Variants in MYO3A observed in about 807,000 individuals in gnomAD.
MYO3A encodes myosin-IIIa.
In MYO3A, 180 loss-of-function variants were observed where a neutral mutation model predicts 192.7. The ratio of observed to expected loss-of-function variants is 0.93; its 90% CI spans 0.83 to 1.06. The LOEUF (loss-of-function observed/expected upper bound fraction) is 1.06. MYO3A is among the 50% of genes least tolerant of loss of function. MYO3A has a pLI of 0.00. For synonymous variants in MYO3A, 628 were observed against 645.3 expected (o/e 0.97, Z 0.41); for missense variants, 1,896 against 1,905.0 (o/e 1.00, Z 0.09).
intron 6 of MYO3A, among the ~76,000 whole-genome samples, chr10:26,013,309 A>G (rs1425554221): frequency 6.7e-6 from 1 of 149,946 alleles, no homozygotes; most frequent in Non-Finnish European, 1.5e-5. Flanking sequence ...TCTGCACAGC[A>G]GAATAAATAA....
At chr10:25,956,495 A>ATTTTTTTTTTTTTTTTTTTTTTTTTTTT (rs562368305) in intron 4 of MYO3A, among the ~76,000 whole-genome samples, 1 of 128,846 alleles carries the variant, frequency 7.8e-6, no homozygotes. Context: ...GCCCAGCTAA[A>ATTTTTTTTTTTTTTTTTTTTTTTTTTTT]TTTTTTTTTT....
chr10:26,175,805 A>T (rs950302612), intron 30 of MYO3A, among the ~76,000 whole-genome samples: 1 of 152,214 alleles, frequency 6.6e-6, no homozygotes, highest in Non-Finnish European at 1.5e-5. Context: ...CAAGGCATCC[A>T]CTAGGAGCTG....
intron 15 of MYO3A, among the ~76,000 whole-genome samples, chr10:26,092,969 T>C (rs1392700466): frequency 6.6e-6 from 1 of 152,190 alleles, no homozygotes; most frequent in Non-Finnish European, 1.5e-5. Flanking sequence ...ATATTCCCAA[T>C]AGTATCTCCA....
chr10:26,051,416 C>T lies in MYO3A; in HGVS notation c.954-15559C>T, dbSNP rs181564491. ...TAAAGGAGACATCTAATTGGGTGAGCATATAGAAAAATACTAATCGTTGCT... is the reference window on the plus strand; with the variant it reads ...TAAAGGAGACATCTAATTGGGTGAGTATATAGAAAAATACTAATCGTTGCT... On this transcript the variant is annotated intron_variant, in intron 10 of 34. Coordinates refer to ENST00000642920, the MANE Select transcript of MYO3A (RefSeq NM_017433.5). Among the ~76,000 whole-genome samples the T allele has an allele frequency of 2.0e-4, 31 of 151,752 alleles. No homozygotes were observed. The East Asian group carries it at 5.8e-3, about 28-fold the overall frequency.
intron 4 of MYO3A, among the ~76,000 whole-genome samples, chr10:25,975,781 G>A (rs898881195): frequency 2.0e-5 from 3 of 152,116 alleles, no homozygotes; most frequent in Non-Finnish European, 2.9e-5. Context: ...AAATGCATTT[G>A]TTAAAACATT....
At chr10:25,991,737 G>A (rs1429418796) in intron 4 of MYO3A, among the ~76,000 whole-genome samples, 3 of 152,116 alleles carry the variant, frequency 2.0e-5, no homozygotes, top group Non-Finnish European at 4.4e-5. Flanking sequence ...CATATGACTA[G>A]CCAGTTTTCC....
chr10:26,157,179 T>C, intron 25 of MYO3A, 131 bp from the exon 26 acceptor site: 1 of 798,518 alleles, frequency 1.3e-6, no homozygotes, highest in Admixed American at 2.2e-5. Context: ...TTTCCTCCAT[T>C]TACTGTGACT....
intron 7 of MYO3A, among the ~76,000 whole-genome samples, chr10:26,020,792 T>C (rs972963321): frequency 2.6e-5 from 4 of 152,308 alleles, no homozygotes; most frequent in African/African-American, 4.8e-5. Flanking sequence ...CTCTATCTAA[T>C]ACAATCTTAT....
At chr10:25,961,793 C>T (rs1837945807) in intron 4 of MYO3A, among the ~76,000 whole-genome samples, 1 of 152,158 alleles carries the variant, frequency 6.6e-6, no homozygotes, top group Non-Finnish European at 1.5e-5. Context: ...GCTTTAGAGG[C>T]ACTTTCAGAA....
At chr10:26,034,753 AG>A (rs1842949791) in intron 10 of MYO3A, among the ~76,000 whole-genome samples, 1 of 151,980 alleles carries the variant, frequency 6.6e-6, no homozygotes, top group African/African-American at 2.4e-5. Flanking sequence ...CAGTGTTGAA[AG>A]GATGATGGAT....
intron 14 of MYO3A, among the ~76,000 whole-genome samples, chr10:26,079,875 T>G (rs969309609): frequency 2.0e-5 from 3 of 152,250 alleles, no homozygotes; most frequent in Admixed American, 6.5e-5. Context: ...GTAAGGTTTC[T>G]GCTGAGAAAT....
intron 31 of MYO3A, among the ~76,000 whole-genome samples, chr10:26,179,020 C>T (rs1842475171): frequency 1.3e-5 from 2 of 149,794 alleles, no homozygotes; most frequent in Admixed American, 1.3e-4. Flanking sequence ...CCAGGGTGGT[C>T]TCGATCCGAC....
intron 17 of MYO3A, among the ~76,000 whole-genome samples, chr10:26,102,240 A>G (rs1837501307): frequency 6.6e-6 from 1 of 152,150 alleles, no homozygotes; most frequent in Non-Finnish European, 1.5e-5. Flanking sequence ...CATGGTTTTC[A>G]GCTCCATCAG....
intron 17 of MYO3A, among the ~76,000 whole-genome samples, chr10:26,119,059 C>G (rs1838691638): frequency 6.6e-6 from 1 of 152,124 alleles, no homozygotes; most frequent in Non-Finnish European, 1.5e-5. Flanking sequence ...CTTCTTTCCT[C>G]TAGGAAGGTT....
intron 10 of MYO3A, among the ~76,000 whole-genome samples, chr10:26,042,485 C>T (rs923308443): frequency 1.3e-5 from 2 of 152,030 alleles, no homozygotes; most frequent in Non-Finnish European, 2.9e-5. Flanking sequence ...TGTAGTTGTG[C>T]TTTATTGTTT....
chr10:26,030,138 C>T (rs777876640), intron 10 of MYO3A, among the ~76,000 whole-genome samples: 10 of 152,172 alleles, frequency 6.6e-5, no homozygotes, highest in African/African-American at 1.2e-4. Flanking sequence ...CACCACACCT[C>T]GGTCAAGGCC....
intron 6 of MYO3A, among the ~76,000 whole-genome samples, chr10:26,005,691 A>G (rs769869185): frequency 3.9e-5 from 6 of 152,112 alleles, no homozygotes; most frequent in Admixed American, 1.3e-4. Context: ...GTATATGTGT[A>G]TATATATGTA....
At chr10:26,104,256 A>G (rs1197592295) in intron 17 of MYO3A, among the ~76,000 whole-genome samples, 1 of 152,188 alleles carries the variant, frequency 6.6e-6, no homozygotes, top group East Asian at 1.9e-4. Flanking sequence ...TGTATAGAAA[A>G]CCATTGCCTA....
At chr10:26,179,402 C>T (rs1842502905) in intron 31 of MYO3A, among the ~76,000 whole-genome samples, 1 of 152,120 alleles carries the variant, frequency 6.6e-6, no homozygotes, top group Non-Finnish European at 1.5e-5. Context: ...TGCACCTGAC[C>T]TAATTTTTCT....
Sources: gnomAD v4.1 joint callset for allele counts (sites outside exome capture counted in the v4.1 genomes callset) on GRCh38, gnomAD v4.1.1 for gene constraint, MANE v1.5 for transcripts, NCBI Gene and HGNC (gene_info 2026-07-23, HGNC 2026-07-21) for gene names.